The following PIK3C2G variants were observed in gnomAD, a reference collection of about 807,000 sequenced individuals.
PIK3C2G encodes phosphatidylinositol-4-phosphate 3-kinase catalytic subunit type 2 gamma, also known as phosphatidylinositol 3-kinase C2 domain-containing subunit gamma.
Under a neutral mutation model 181.1 loss-of-function variants are expected in PIK3C2G, and 168 were observed. That is an observed-to-expected ratio of 0.93 (90% confidence interval 0.82 to 1.05). The LOEUF (loss-of-function observed/expected upper bound fraction) is 1.05, where lower values mean the gene tolerates loss of function less well. Ranked by LOEUF, PIK3C2G falls within the 50% of genes least tolerant of loss-of-function variation. PIK3C2G has a pLI of 0.00. For missense variants in PIK3C2G, 1,869 were observed against 1,732.8 expected (o/e 1.08, Z -1.40); for synonymous variants, 573 against 592.2 (o/e 0.97, Z 0.47).
At chr12:18,708,723 T>C in the PIK3C2G span, among the ~76,000 whole-genome samples, 1 of 152,168 alleles carries the variant, frequency 6.6e-6, no homozygotes, top group Non-Finnish European at 1.5e-5. Context: ...TGTGAGGTGG[T>C]ATCTCATAGT....
rs76692494 is a variant in PIK3C2G, at chr12:18,463,125, C to A, written c.2505-25324C>A. On this transcript the variant is annotated intron_variant, in intron 18 of 32. Coordinates refer to ENST00000538779, the MANE Select transcript of PIK3C2G (RefSeq NM_001288772.2). ...TAGTCACTATCATCAGCATTAATTA[C>A]TGTGATCTGATTCTGACTTCTGTTA... 4.9e-3 allele frequency among the ~76,000 whole-genome samples: 741 copies of A among 152,166 alleles called. 1 individual carries two copies. Among genetic ancestry groups the A allele is most frequent in the South Asian group, 0.014 (67 of 4,822 alleles).
Position 18,462,711 on chromosome 12 carries a change from T to A in PIK3C2G, c.2505-25738T>A, listed in dbSNP as rs149508209. Among the ~76,000 whole-genome samples, 237 of 152,318 alleles carry A rather than the reference T, an allele frequency of 1.6e-3. 2 individuals are homozygous for A. In the East Asian group the frequency reaches 0.017, roughly 11 times the overall value. On this transcript the variant is annotated intron_variant, in intron 18 of 32. Coordinates refer to ENST00000538779, the MANE Select transcript of PIK3C2G (RefSeq NM_001288772.2). ...AAGAGAGGAAGTTTTAAATGTGGAC[T>A]CGCTGGTTTTATTCCAAGTAATGTC...
chr12:18,699,828 C>T, the PIK3C2G span: 1 of 1,613,322 alleles, frequency 6.2e-7, no homozygotes, highest in South Asian at 1.1e-5. Flanking sequence ...CTTGTGTCTC[C>T]CCAATAGAAT....
At chr12:18,646,348 A>C (rs926950581) in intron 32 of PIK3C2G, among the ~76,000 whole-genome samples, 24 of 152,348 alleles carry the variant, frequency 1.6e-4, no homozygotes, top group African/African-American at 5.5e-4. Context: ...GTATGGAATG[A>C]GAGTAAAATT....
At chr12:18,363,916 C>A (rs1227757277) in intron 12 of PIK3C2G, among the ~76,000 whole-genome samples, 1 of 152,184 alleles carries the variant, frequency 6.6e-6, no homozygotes, top group East Asian at 1.9e-4. Flanking sequence ...ATCTCTATCT[C>A]CCCTTCTTTG....
rs542118834 is a variant in PIK3C2G, at chr12:18,294,005, T to C, written c.1024T>C (p.Phe342Leu). 7.3e-6 allele frequency: 11 copies of C among 1,507,342 alleles called. No homozygotes were observed. The African/African-American group carries it at 1.1e-4, about 15-fold the overall frequency. The allele number at this position is 1,507,342 out of a possible 1,614,324, so 93.4% of individuals were successfully genotyped here. Residue 342 changes from phenylalanine to leucine, a missense_variant, in exon 5 of 33, where the codon TTT (phenylalanine) becomes CTT (leucine). Transcript: ENST00000538779. ...HILSVCGSEE[F>L]LQNDHCLGSH... ...TCTAAGTGTATGTGGCTCTGAAGAA[T>C]TTTTACAAAAGTAAGTATTTTATGA...
chr12:18,673,264 A>T, the PIK3C2G span, among the ~76,000 whole-genome samples: 1 of 152,246 alleles, frequency 6.6e-6, no homozygotes, highest in Middle Eastern at 3.4e-3. Context: ...AGCTATCCCC[A>T]CTGTAATCCC....
intron 31 of PIK3C2G, among the ~76,000 whole-genome samples, chr12:18,629,711 G>T (rs112927975): frequency 2.6e-5 from 4 of 152,230 alleles, no homozygotes; most frequent in African/African-American, 9.6e-5. Context: ...GATTACTCCT[G>T]ATTAGCCACA....
chr12:18,491,399 A>C, intron 19 of PIK3C2G, 52 bp from the exon 20 acceptor site: 1 of 942,580 alleles, frequency 1.1e-6, no homozygotes, highest in Non-Finnish European at 1.7e-6. Context: ...CCTGAAGGAA[A>C]AGTCAAGTTC....
chr12:18,383,321 T>G (rs1942962599), intron 14 of PIK3C2G, among the ~76,000 whole-genome samples: 1 of 152,182 alleles, frequency 6.6e-6, no homozygotes, highest in Non-Finnish European at 1.5e-5. Context: ...AAAATCCAGC[T>G]GGAGAGACAG....
chr12:18,401,390 A>G (rs1303176227), intron 16 of PIK3C2G, among the ~76,000 whole-genome samples: 1 of 152,110 alleles, frequency 6.6e-6, no homozygotes, highest in East Asian at 1.9e-4. Flanking sequence ...TCCTTTTGGA[A>G]AAAAGGTCTC....
intron 29 of PIK3C2G, among the ~76,000 whole-genome samples, chr12:18,570,320 C>T (rs150235892): frequency 0.073 from 10,705 of 146,922 alleles, 1,424 homozygotes; most frequent in African/African-American, 0.25. Context: ...GCAATTCTCC[C>T]GCCTCAGCCT....
chr12:18,416,655 G>A (rs1193288946), intron 16 of PIK3C2G, among the ~76,000 whole-genome samples: 1 of 152,132 alleles, frequency 6.6e-6, no homozygotes, highest in East Asian at 1.9e-4. Context: ...ACAAAGCCTG[G>A]ATGACAGCAC....
chr12:18,682,339 G>C, the PIK3C2G span, among the ~76,000 whole-genome samples: 2,736 of 152,054 alleles, frequency 0.018, 93 homozygotes, highest in African/African-American at 0.063. Context: ...TTATTAGTTA[G>C]GATTCCATTG....
Position 18,419,127 on chromosome 12 carries a change from T to C in PIK3C2G, c.2316-1814T>C, listed in dbSNP as rs777683172. Among the ~76,000 whole-genome samples, 279 of 152,210 alleles carry C rather than the reference T, an allele frequency of 1.8e-3. 1 individual carries two copies. Among genetic ancestry groups the C allele is most frequent in the Non-Finnish European group, 6.5e-4 (44 of 67,994 alleles). ...GAGAGTGCCTACAAATCTGAAGGCA[T>C]TGGGGACACATCTATGAACAAAACA... On this transcript the variant is annotated intron_variant, in intron 16 of 32. Coordinates refer to ENST00000538779, the MANE Select transcript of PIK3C2G (RefSeq NM_001288772.2).
At chr12:18,508,201 A>T (rs555016631) in intron 24 of PIK3C2G, among the ~76,000 whole-genome samples, 1 of 152,312 alleles carries the variant, frequency 6.6e-6, no homozygotes, top group South Asian at 2.1e-4. Context: ...TGTTTCTAAG[A>T]TTTTATGTCC....
At chr12:18,286,579 A>G (rs1949453889) in intron 2 of PIK3C2G, among the ~76,000 whole-genome samples, 1 of 152,142 alleles carries the variant, frequency 6.6e-6, no homozygotes, top group Admixed American at 6.5e-5. Context: ...GATATAAAAA[A>G]GACATGGGGA....
intron 16 of PIK3C2G, among the ~76,000 whole-genome samples, chr12:18,402,871 T>C (rs1944328397): frequency 6.6e-6 from 1 of 152,156 alleles, no homozygotes; most frequent in Non-Finnish European, 1.5e-5. Flanking sequence ...TGCCCCTTAG[T>C]ACTATCTCAT....
At chr12:18,365,143 G>A (rs1464425958) in intron 12 of PIK3C2G, among the ~76,000 whole-genome samples, 1 of 152,120 alleles carries the variant, frequency 6.6e-6, no homozygotes, top group Non-Finnish European at 1.5e-5. Context: ...AAGTGTCAAA[G>A]CTAGCATTTA....
Sources: gnomAD v4.1 joint callset for allele counts (sites outside exome capture counted in the v4.1 genomes callset) on GRCh38, gnomAD v4.1.1 for gene constraint, MANE v1.5 for transcripts, NCBI Gene and HGNC (gene_info 2026-07-23, HGNC 2026-07-21) for gene names.